Variants in ITPKB observed in about 807,000 individuals in gnomAD.
The protein encoded by ITPKB is inositol-trisphosphate 3-kinase B, also known as IP3 3-kinase B.
ITPKB carries 13 observed loss-of-function variants against 69.4 expected under a neutral mutation model. The observed-to-expected ratio is 0.19, with a 90% CI of 0.12 to 0.30. The LOEUF is 0.30. ITPKB is among the 10% of genes least tolerant of loss of function. ITPKB has a pLI of 1.00. For missense variants in ITPKB, 1,240 were observed against 1,250.5 expected, an observed-to-expected ratio of 0.99 and a Z score of 0.13; for synonymous variants, 584 against 513.7, an observed-to-expected ratio of 1.14 and a Z score of -1.85.
intron 2 of ITPKB, among the ~76,000 whole-genome samples, chr1:226,732,516 G>T (rs1003341507): frequency 1.3e-5 from 2 of 151,274 alleles, no homozygotes; most frequent in African/African-American, 4.9e-5. Context: ...GGGATTACAG[G>T]CATGAGCCAC....
chr1:226,640,571 G>C (rs573598075), intron 5 of ITPKB, among the ~76,000 whole-genome samples: 23 of 152,208 alleles, frequency 1.5e-4, no homozygotes, highest in Non-Finnish European at 2.8e-4. Flanking sequence ...CTCTGAGTGG[G>C]AAGACAGGCT....
chr1:226,682,157 G>T (rs181161747), intron 2 of ITPKB, among the ~76,000 whole-genome samples: 47 of 152,118 alleles, frequency 3.1e-4, no homozygotes, highest in African/African-American at 1.0e-3. Flanking sequence ...AACCATTGTT[G>T]CCTGGGTCCC....
chr1:226,719,774 C>T (rs1017225567), intron 2 of ITPKB, among the ~76,000 whole-genome samples: 7 of 152,192 alleles, frequency 4.6e-5, no homozygotes, highest in Non-Finnish European at 8.8e-5. Flanking sequence ...CAGAGGCCCA[C>T]GATGCTCTCT....
At chr1:226,672,239 G>C (rs1050952294) in intron 2 of ITPKB, among the ~76,000 whole-genome samples, 1 of 152,114 alleles carries the variant, frequency 6.6e-6, no homozygotes, top group Admixed American at 6.5e-5. Flanking sequence ...CAGCGATCAC[G>C]TCTCACTCCC....
At chr1:226,675,238 C>T (rs1344603598) in intron 2 of ITPKB, among the ~76,000 whole-genome samples, 2 of 151,452 alleles carry the variant, frequency 1.3e-5, no homozygotes, top group African/African-American at 2.4e-5. Flanking sequence ...GAAGTGGTTG[C>T]TATAACCCCA....
At chr1:226,658,711 C>T (rs543706898) in intron 2 of ITPKB, among the ~76,000 whole-genome samples, 1 of 152,336 alleles carries the variant, frequency 6.6e-6, no homozygotes, top group South Asian at 2.1e-4. Context: ...CACAGCGCTG[C>T]TCACCAGGCA....
rs58320585 is a variant in ITPKB at position 226,700,465 on chromosome 1, CAAAAAAAAAAAAAAAAAA to C, written c.1932+35044_1932+35061del. The stretch of plus-strand genomic sequence containing the variant: ...GCCTGGCAACGGAGCAAGACTCCGT[CAAAAAAAAAAAAAAAAAA>C]AAAAAAAAAAAAACCCAGAACTTTG... On this transcript the variant is annotated intron_variant, in intron 2 of 7. Coordinates refer to ENST00000429204, the MANE Select transcript of ITPKB (RefSeq NM_002221.4). Among the ~76,000 whole-genome samples the C allele has an allele frequency of 9.3e-5, 5 of 53,942 alleles. No individual in the cohort carries two copies. The Admixed American group carries it at 9.7e-4, about 10-fold the overall frequency. 35.4% of individuals were successfully genotyped at this position (53,942 alleles called of 152,430 possible). A position where few individuals can be genotyped will look rare whatever the true frequency, so the allele number is the denominator to read the frequency against.
At chr1:226,705,789 G>T (rs2102633541) in intron 2 of ITPKB, among the ~76,000 whole-genome samples, 1 of 152,296 alleles carries the variant, frequency 6.6e-6, no homozygotes, top group Non-Finnish European at 1.5e-5. Context: ...CCTGACCCCT[G>T]AGGACAGATC....
rs539311711 is a variant in ITPKB, at chr1:226,736,934, G to A, written c.525C>T (p.Pro175=). The A allele has an allele frequency of 2.5e-6, 4 of 1,611,110 alleles. No homozygotes were observed. In the East Asian group the frequency reaches 6.7e-5, roughly 27 times the overall value. ...RSPRLGRARS[P]SPCPFRSSSQ... is the part of the protein sequence containing the mutation. ...TGCTGCTGCGGAAGGGGCACGGGGA[G>A]GGCGAGCGAGCCCTGCCCAAACGCG... The change falls in exon 2 of 8, where the codon CCC becomes CCT. Residue 175 remains proline (P), a synonymous_variant. Transcript: ENST00000429204.
chr1:226,696,677 G>A (rs1243927688), intron 2 of ITPKB, among the ~76,000 whole-genome samples: 1 of 152,160 alleles, frequency 6.6e-6, no homozygotes, highest in East Asian at 1.9e-4. Context: ...GCTAGCACCA[G>A]CAATGAGGAA....
chr1:226,728,890 C>T (rs1159497985), intron 2 of ITPKB, among the ~76,000 whole-genome samples: 1 of 152,224 alleles, frequency 6.6e-6, no homozygotes, highest in African/African-American at 2.4e-5. Context: ...GAATAAGCAA[C>T]AAACTTGCAT....
rs1298264141 is a variant in ITPKB at position 226,703,621 on chromosome 1, A to C, written c.1932+31906T>G. ...GCGGCGGTGCCGGTCACGTGACGGG[A>C]AGGCGGCCGCCCCTGTCGCCTTCGC... On this transcript the variant is annotated intron_variant, in intron 2 of 7. Transcript: ENST00000429204. Among the ~76,000 whole-genome samples, 6 of 152,288 alleles carry C rather than the reference A, an allele frequency of 3.9e-5. No homozygotes were observed. The South Asian group carries it at 1.2e-3, about 32-fold the overall frequency.
chr1:226,675,140 A>AG lies in ITPKB; in HGVS notation c.1933-26370_1933-26369insC, dbSNP rs1427441938. On this transcript the variant is annotated intron_variant, in intron 2 of 7. Transcript: ENST00000429204. ...TGTGCTTACAGGCAAAAAAAAAAAA[A>AG]AAAAAAAAAAAAGGAACCAATGAGG... 5 of 151,194 alleles carry AG rather than the reference A, an allele frequency of 3.3e-5. No individual in the cohort carries two copies. The East Asian group carries it at 5.8e-4, about 18-fold the overall frequency. The allele number at this position is 151,194 out of a possible 1,614,324, so 9.4% of individuals were successfully genotyped here. A position where few individuals can be genotyped will look rare whatever the true frequency, so the allele number is the denominator to read the frequency against.
At chr1:226,695,900 C>T (rs374516105) in intron 2 of ITPKB, among the ~76,000 whole-genome samples, 2 of 151,676 alleles carry the variant, frequency 1.3e-5, no homozygotes, top group African/African-American at 2.4e-5. Context: ...GAGAGGGAAG[C>T]GGGGAGGAGG....
At chr1:226,728,950 G>A (rs1021163554) in intron 2 of ITPKB, among the ~76,000 whole-genome samples, 1 of 152,168 alleles carries the variant, frequency 6.6e-6, no homozygotes, top group East Asian at 1.9e-4. Flanking sequence ...AGATGGTTCT[G>A]TATTTCTTTT....
At chr1:226,673,556 G>A (rs1255642404) in intron 2 of ITPKB, among the ~76,000 whole-genome samples, 1 of 152,172 alleles carries the variant, frequency 6.6e-6, no homozygotes, top group Non-Finnish European at 1.5e-5. Context: ...CAGCCAAAAA[G>A]TCTCAACTCT....
intron 2 of ITPKB, among the ~76,000 whole-genome samples, chr1:226,732,504 C>CT (rs1657619844): frequency 6.6e-6 from 1 of 151,234 alleles, no homozygotes; most frequent in African/African-American, 2.4e-5. Context: ...TCCGAAAGTG[C>CT]TGGGATTACA....
chr1:226,690,823 T>C (rs1656332632), intron 2 of ITPKB, among the ~76,000 whole-genome samples: 1 of 152,136 alleles, frequency 6.6e-6, no homozygotes, highest in African/African-American at 2.4e-5. Context: ...CCAAGTGCCA[T>C]CGGCAGATGA....
intron 2 of ITPKB, among the ~76,000 whole-genome samples, chr1:226,653,486 G>A (rs1213135736): frequency 6.6e-6 from 1 of 152,220 alleles, no homozygotes; most frequent in African/African-American, 2.4e-5. Flanking sequence ...CCCTAAAGCT[G>A]GCCACCGAAA....
Sources: gnomAD v4.1 joint callset for allele counts (sites outside exome capture counted in the v4.1 genomes callset) on GRCh38, gnomAD v4.1.1 for gene constraint, MANE v1.5 for transcripts, NCBI Gene and HGNC (gene_info 2026-07-23, HGNC 2026-07-21) for gene names.